Variants in THSD7B observed in about 807,000 individuals in gnomAD.
THSD7B encodes thrombospondin type 1 domain containing 7B, also known as thrombospondin type-1 domain-containing protein 7B.
Under a neutral mutation model 213.6 loss-of-function variants are expected in THSD7B, and 138 were observed. The observed-to-expected ratio is 0.65, with a 90% confidence interval of 0.56 to 0.74. THSD7B has a LOEUF of 0.74. Ranked by LOEUF, THSD7B falls within the 30% of genes least tolerant of loss-of-function variation. THSD7B has a pLI of 0.00. For synonymous variants in THSD7B, 742 were observed against 687.0 expected (o/e 1.08, Z -1.25); for missense variants, 1,931 against 1,991.5 (o/e 0.97, Z 0.58).
intron 17 of THSD7B, among the ~76,000 whole-genome samples, chr2:137,584,761 C>G (rs2104805889): frequency 6.6e-6 from 1 of 152,272 alleles, no homozygotes; most frequent in Non-Finnish European, 1.5e-5. Context: ...AGGATTTTTG[C>G]ATCGATGTTC....
At chr2:137,482,045 G>A (rs909848072) in intron 15 of THSD7B, among the ~76,000 whole-genome samples, 1 of 152,080 alleles carries the variant, frequency 6.6e-6, no homozygotes, top group Non-Finnish European at 1.5e-5. Flanking sequence ...GGGCGTGGTG[G>A]CAGATGCCTG....
chr2:136,845,435 T>C (rs1218608321), intron 1 of THSD7B, among the ~76,000 whole-genome samples: 1 of 152,214 alleles, frequency 6.6e-6, no homozygotes, highest in Non-Finnish European at 1.5e-5. Flanking sequence ...TTGCAGCATC[T>C]GGGGAAACAT....
intron 5 of THSD7B, among the ~76,000 whole-genome samples, chr2:137,137,108 T>A (rs1450563624): frequency 6.6e-6 from 1 of 152,194 alleles, no homozygotes; most frequent in African/African-American, 2.4e-5. Flanking sequence ...TGGTAAAATA[T>A]TTGCACAACT....
chr2:137,311,051 G>A (rs556143007), intron 12 of THSD7B, among the ~76,000 whole-genome samples: 43 of 150,936 alleles, frequency 2.8e-4, no homozygotes, highest in Non-Finnish European at 5.9e-4. Flanking sequence ...GAAAGTCATT[G>A]GTAGCTTGAT....
chr2:137,352,631 A>G (rs1685038522), intron 12 of THSD7B, among the ~76,000 whole-genome samples: 2 of 152,002 alleles, frequency 1.3e-5, no homozygotes, highest in African/African-American at 2.4e-5. Flanking sequence ...TAAATGTCCA[A>G]CTGTGGTTCC....
intron 1 of THSD7B, among the ~76,000 whole-genome samples, chr2:136,877,061 G>A (rs578227422): frequency 7.9e-5 from 12 of 151,880 alleles, no homozygotes; most frequent in Middle Eastern, 3.4e-3. Flanking sequence ...ACATGTGCAG[G>A]TGGGTTCCAG....
At chr2:137,506,986 G>T (rs780103445) in intron 15 of THSD7B, among the ~76,000 whole-genome samples, 1 of 152,170 alleles carries the variant, frequency 6.6e-6, no homozygotes, top group Non-Finnish European at 1.5e-5. Flanking sequence ...AGAAAGTTTT[G>T]TTTACTTCAG....
intron 1 of THSD7B, among the ~76,000 whole-genome samples, chr2:136,865,178 C>T (rs998671014): frequency 5.3e-5 from 8 of 152,126 alleles, no homozygotes; most frequent in African/African-American, 1.9e-4. Context: ...CCCTTTGCCT[C>T]TTGGAGGCAT....
intron 7 of THSD7B, among the ~76,000 whole-genome samples, chr2:137,204,871 G>A (rs1025779744): frequency 7.9e-5 from 12 of 152,142 alleles, no homozygotes; most frequent in African/African-American, 2.6e-4. Flanking sequence ...AAACACACTG[G>A]CACTGTTATA....
At chr2:137,448,671 C>T (rs904643354) in intron 14 of THSD7B, among the ~76,000 whole-genome samples, 5 of 152,046 alleles carry the variant, frequency 3.3e-5, no homozygotes, top group Non-Finnish European at 7.4e-5. Context: ...CGGTGGCGGG[C>T]GCCTGTAGTC....
intron 15 of THSD7B, among the ~76,000 whole-genome samples, chr2:137,473,320 C>T (rs1054448162): frequency 1.3e-5 from 2 of 151,878 alleles, no homozygotes; most frequent in Non-Finnish European, 2.9e-5. Flanking sequence ...TCCAGGTTCA[C>T]GCCATTCTCC....
In THSD7B at chr2:136,883,428, C is replaced by T. The variant is rs144098662; in HGVS notation, c.139+1111C>T. ...CCCTATAAATTAATTTAACTGTGGG[C>T]TCCAATACTTCATTACTGATTTGCA... On this transcript the variant is annotated intron_variant, in intron 2 of 27. Coordinates refer to ENST00000409968, the MANE Select transcript of THSD7B (RefSeq NM_001316349.2). Among the ~76,000 whole-genome samples the T allele has an allele frequency of 9.0e-3, 1,364 of 151,340 alleles. 22 individuals are homozygous for T. Among genetic ancestry groups the T allele is most frequent in the African/African-American group, 0.031 (1,280 of 41,350 alleles).
At chr2:137,389,647 A>G (rs1332441235) in intron 12 of THSD7B, among the ~76,000 whole-genome samples, 1 of 150,198 alleles carries the variant, frequency 6.7e-6, no homozygotes, top group Non-Finnish European at 1.5e-5. Context: ...CTTTGCCTAG[A>G]CCAATGTCCA....
chr2:136,947,100 CT>C (rs1450504410), intron 2 of THSD7B, among the ~76,000 whole-genome samples: 1 of 152,184 alleles, frequency 6.6e-6, no homozygotes, highest in Non-Finnish European at 1.5e-5. Flanking sequence ...GGAGCTGTTC[CT>C]ATTCGGCCAT....
Position 137,473,961 on chromosome 2 carries a change from C to G in THSD7B, c.3138+22938C>G, listed in dbSNP as rs551048005. Among the ~76,000 whole-genome samples, 5 of 152,238 alleles carry G rather than the reference C, an allele frequency of 3.3e-5. No individual in the cohort carries two copies. In the East Asian group the frequency reaches 9.7e-4, roughly 29 times the overall value. ...ATAAAGGAAATGAAACTGCATTTTC[C>G]TCTTAGATGTGCCACGTTAGTCATA... is the stretch of plus-strand genomic sequence containing the variant. On this transcript the variant is annotated intron_variant, in intron 15 of 27. Coordinates refer to ENST00000409968, the MANE Select transcript of THSD7B (RefSeq NM_001316349.2).
At chr2:137,209,659 A>G (rs1003616348) in intron 7 of THSD7B, among the ~76,000 whole-genome samples, 1 of 152,134 alleles carries the variant, frequency 6.6e-6, no homozygotes, top group African/African-American at 2.4e-5. Context: ...AATAATAGTC[A>G]CTATAACAAT....
At chr2:137,284,541 C>G (rs1472275967) in intron 12 of THSD7B, among the ~76,000 whole-genome samples, 2 of 152,066 alleles carry the variant, frequency 1.3e-5, no homozygotes, top group Non-Finnish European at 2.9e-5. Context: ...GCATTTAGTG[C>G]TATAAATTTC....
intron 3 of THSD7B, among the ~76,000 whole-genome samples, chr2:137,062,748 T>A (rs1158558551): frequency 1.3e-5 from 2 of 151,878 alleles, no homozygotes; most frequent in African/African-American, 4.8e-5. Context: ...TTGAATATTT[T>A]ATGTGAACTC....
chr2:137,405,907 C>A, intron 13 of THSD7B, 100 bp downstream of exon 13: 1 of 988,158 alleles, frequency 1.0e-6, no homozygotes, highest in Non-Finnish European at 1.5e-6. Context: ...TGCATCAGGT[C>A]TCTTCCTCTC....
Sources: gnomAD v4.1 joint callset for allele counts (sites outside exome capture counted in the v4.1 genomes callset) on GRCh38, gnomAD v4.1.1 for gene constraint, MANE v1.5 for transcripts, NCBI Gene and HGNC (gene_info 2026-07-23, HGNC 2026-07-21) for gene names.